STIM1: variants seen among roughly 807,000 people sequenced by gnomAD.
STIM1 encodes the protein stromal interaction molecule 1.
In STIM1, 25 loss-of-function variants were observed where a neutral mutation model predicts 74.7. The observed-to-expected ratio is 0.33, with a 90% confidence interval of 0.24 to 0.47. The LOEUF (loss-of-function observed/expected upper bound fraction) is 0.47. Among genes scored for constraint, STIM1 ranks in the 20% least tolerant of loss-of-function variants. The pLI, the probability that STIM1 is intolerant of heterozygous loss-of-function variation, is 1.00. For synonymous variants in STIM1, 328 were observed against 348.8 expected (o/e 0.94, Z 0.66); for missense variants, 728 against 920.8 (o/e 0.79, Z 2.71).
chr11:3,921,519 A>G (rs932368882), intron 1 of STIM1, among the ~76,000 whole-genome samples: 1 of 152,220 alleles, frequency 6.6e-6, no homozygotes, highest in Non-Finnish European at 1.5e-5. Flanking sequence ...ACCAGACAGC[A>G]TTAGCACACT....
chr11:4,009,514 A>G (rs974241787), intron 2 of STIM1, among the ~76,000 whole-genome samples: 3 of 151,884 alleles, frequency 2.0e-5, no homozygotes, highest in African/African-American at 4.8e-5. Context: ...AGGCTGAGGC[A>G]GGAGAATTGC....
At chr11:3,884,994 G>T (rs2091652055) in intron 1 of STIM1, among the ~76,000 whole-genome samples, 1 of 152,048 alleles carries the variant, frequency 6.6e-6, no homozygotes, top group Admixed American at 6.6e-5. Context: ...GGGTGTGGGG[G>T]GAGAGGGTAA....
At chr11:4,028,914 G>A (rs1475138143) in intron 3 of STIM1, among the ~76,000 whole-genome samples, 8 of 152,014 alleles carry the variant, frequency 5.3e-5, no homozygotes, top group Non-Finnish European at 8.8e-5. Flanking sequence ...CAGACTGGGC[G>A]TGGTGGCTCA....
At chr11:3,984,007 C>T (rs1403284429) in intron 2 of STIM1, among the ~76,000 whole-genome samples, 4 of 152,082 alleles carry the variant, frequency 2.6e-5, no homozygotes, top group South Asian at 2.1e-4. Context: ...GCTGGGATTA[C>T]AGGCATATGC....
At chr11:3,952,523 A>T (rs553380515) in intron 1 of STIM1, among the ~76,000 whole-genome samples, 8 of 152,362 alleles carry the variant, frequency 5.3e-5, no homozygotes, top group Admixed American at 5.2e-4. Flanking sequence ...TTTTCAGGTA[A>T]GAACATTAAT....
At chr11:4,034,573 T>C (rs2094083266) in intron 3 of STIM1, among the ~76,000 whole-genome samples, 1 of 152,214 alleles carries the variant, frequency 6.6e-6, no homozygotes, top group Non-Finnish European at 1.5e-5. Context: ...TCATGAAGGA[T>C]ACTGGTTTGT....
At chr11:3,864,061 C>T (rs1042995884) in intron 1 of STIM1, among the ~76,000 whole-genome samples, 8 of 151,642 alleles carry the variant, frequency 5.3e-5, no homozygotes, top group Admixed American at 2.6e-4. Flanking sequence ...AGCCATCATG[C>T]GTAACTCTGG....
rs1169600270 is a variant in STIM1 at position 4,013,690 on chromosome 11, C to CTTTTTT, written c.271-10156_271-10151dup. 1.4e-3 allele frequency among the ~76,000 whole-genome samples: 72 copies of CTTTTTT among 51,932 alleles called. 7 individuals are homozygous for CTTTTTT. Among genetic ancestry groups the CTTTTTT allele is most frequent in the African/African-American group, 2.1e-3 (22 of 10,524 alleles). The allele number at this position is 51,932 out of a possible 152,430, so 34.1% of individuals were successfully genotyped here. On this transcript the variant is annotated intron_variant, in intron 2 of 12. Coordinates refer to ENST00000526596, the MANE Select transcript of STIM1 (RefSeq NM_001382567.1). ...AACCAGCTCCTGGATTCATTGATTT[C>CTTTTTT]TTTTTTTTTTTTTTTTTTTTTTTTT...
intron 1 of STIM1, among the ~76,000 whole-genome samples, chr11:3,934,495 T>C (rs1337416906): frequency 3.3e-5 from 5 of 152,198 alleles, no homozygotes; most frequent in Non-Finnish European, 7.3e-5. Flanking sequence ...TCTTATTCAC[T>C]TAGCTGTCTG....
At chr11:3,888,853 C>T (rs757904141) in intron 1 of STIM1, among the ~76,000 whole-genome samples, 5 of 152,112 alleles carry the variant, frequency 3.3e-5, no homozygotes, top group Admixed American at 6.5e-5. Context: ...TGCCCGGCCG[C>T]CGTGTAGTCT....
At chr11:4,080,225 G>A (rs775067407) in intron 7 of STIM1, among the ~76,000 whole-genome samples, 6 of 152,050 alleles carry the variant, frequency 3.9e-5, no homozygotes, top group Non-Finnish European at 5.9e-5. Context: ...CAGCCTGGGC[G>A]ACACAATGAG....
intron 1 of STIM1, among the ~76,000 whole-genome samples, chr11:3,958,353 A>G (rs1047345686): frequency 6.6e-6 from 1 of 152,122 alleles, no homozygotes; most frequent in Non-Finnish European, 1.5e-5. Flanking sequence ...AAAAATAAAA[A>G]GGAAGTTAGA....
At chr11:3,932,666 G>GAAAAAAAA (rs57059104) in intron 1 of STIM1, among the ~76,000 whole-genome samples, 1 of 86,968 alleles carries the variant, frequency 1.1e-5, no homozygotes, top group Non-Finnish European at 2.3e-5. Context: ...TGTCTCAAAG[G>GAAAAAAAA]AAAAAAAAAA....
At chr11:4,089,645 G>A (rs1159388914) in intron 12 of STIM1, among the ~76,000 whole-genome samples, 2 of 152,200 alleles carry the variant, frequency 1.3e-5, no homozygotes, top group Non-Finnish European at 2.9e-5. Context: ...GTCCAGGAAG[G>A]TACTGGCCCA....
intron 2 of STIM1, among the ~76,000 whole-genome samples, chr11:4,014,505 G>T (rs2093875833): frequency 1.3e-5 from 2 of 152,344 alleles, no homozygotes; most frequent in South Asian, 4.1e-4. Context: ...GTGATGTGGT[G>T]CTGAGAAGAA....
chr11:3,984,797 A>G (rs2135816004), intron 2 of STIM1, among the ~76,000 whole-genome samples: 1 of 152,354 alleles, frequency 6.6e-6, no homozygotes, highest in African/African-American at 2.4e-5. Flanking sequence ...TAAAGTAATG[A>G]TGACAATAAG....
chr11:3,942,769 T>G (rs879465623), intron 1 of STIM1, among the ~76,000 whole-genome samples: 1 of 152,220 alleles, frequency 6.6e-6, no homozygotes, highest in South Asian at 2.1e-4. Context: ...TTGGCTGGCT[T>G]TAAGTCTCAT....
chr11:3,965,618 C>T (rs970803358), intron 1 of STIM1, among the ~76,000 whole-genome samples: 1 of 152,228 alleles, frequency 6.6e-6, no homozygotes, highest in African/African-American at 2.4e-5. Flanking sequence ...TCATCCCACT[C>T]CCCAATTTAG....
chr11:3,928,515 C>T (rs2092817369), intron 1 of STIM1, among the ~76,000 whole-genome samples: 1 of 152,102 alleles, frequency 6.6e-6, no homozygotes, highest in South Asian at 2.1e-4. Context: ...ATGTGAGCCA[C>T]AACGCTCGGC....
Sources: gnomAD v4.1 joint callset for allele counts (sites outside exome capture counted in the v4.1 genomes callset) on GRCh38, gnomAD v4.1.1 for gene constraint, MANE v1.5 for transcripts, NCBI Gene and HGNC (gene_info 2026-07-23, HGNC 2026-07-21) for gene names.